ARFGEF1: variants seen among roughly 807,000 people sequenced by gnomAD.
The protein encoded by ARFGEF1 is brefeldin A-inhibited guanine nucleotide-exchange protein 1.
A neutral mutation model predicts 231.0 loss-of-function variants in ARFGEF1; 42 were observed. That is an observed-to-expected ratio of 0.18 (90% confidence interval 0.14 to 0.24). The LOEUF (loss-of-function observed/expected upper bound fraction) is 0.24, where lower values mean the gene tolerates loss of function less well. Ranked by LOEUF, ARFGEF1 falls within the 10% of genes least tolerant of loss-of-function variation. The pLI, the probability that ARFGEF1 is intolerant of heterozygous loss-of-function variation, is 1.00. For synonymous variants in ARFGEF1, 710 were observed against 732.3 expected (o/e 0.97, Z 0.49); for missense variants, 1,345 against 2,192.0 (o/e 0.61, Z 7.72).
At chr8:67,341,551 T>G (rs1416973892) in intron 1 of ARFGEF1, among the ~76,000 whole-genome samples, 1 of 151,946 alleles carries the variant, frequency 6.6e-6, no homozygotes, top group African/African-American at 2.4e-5. Context: ...GAGCACTGAT[T>G]GTGTCACTGC....
chr8:67,241,309 G>A (rs998069947), intron 19 of ARFGEF1, among the ~76,000 whole-genome samples: 1 of 152,066 alleles, frequency 6.6e-6, no homozygotes, highest in African/African-American at 2.4e-5. Flanking sequence ...TATTTGAACT[G>A]CCACTACAGA....
intron 1 of ARFGEF1, among the ~76,000 whole-genome samples, chr8:67,321,146 G>T (rs1030433660): frequency 6.7e-6 from 1 of 149,354 alleles, no homozygotes; most frequent in African/African-American, 2.5e-5. Context: ...TGTGAGAAAT[G>T]GTGTGACTAT....
At chr8:67,186,026 A>G (rs1250872464) in intron 5 of ARFGEF1, among the ~76,000 whole-genome samples, 1 of 152,236 alleles carries the variant, frequency 6.6e-6, no homozygotes, top group Non-Finnish European at 1.5e-5. Context: ...AGCCAAGTTC[A>G]TTAATTATGT....
chr8:67,213,937 G>C (rs1838836588), intron 33 of ARFGEF1, among the ~76,000 whole-genome samples: 1 of 152,152 alleles, frequency 6.6e-6, no homozygotes, highest in Non-Finnish European at 1.5e-5. Context: ...TGCTGGCCCT[G>C]ATAAAGATTT....
chr8:67,309,219 A>T lies in ARFGEF1; in HGVS notation c.125-6753T>A, dbSNP rs12114077. Among the ~76,000 whole-genome samples the T allele has an allele frequency of 6.4e-3, 980 of 152,346 alleles. 7 individuals are homozygous for T. Among genetic ancestry groups the T allele is most frequent in the African/African-American group, 0.023 (940 of 41,576 alleles). ...TGTGGAATCTAAAAAAGTCAAACTC[A>T]TAGAAGTAGAGTAGAATGAGGGTTA... is the stretch of plus-strand genomic sequence containing the variant. On this transcript the variant is annotated intron_variant, in intron 1 of 38. Transcript: ENST00000262215.
chr8:67,185,592 A>G (rs1323630936), intron 5 of ARFGEF1, among the ~76,000 whole-genome samples: 1 of 152,222 alleles, frequency 6.6e-6, no homozygotes, highest in Non-Finnish European at 1.5e-5. Flanking sequence ...GTTGACAGCA[A>G]TTAGTAGCTG....
intron 5 of ARFGEF1, among the ~76,000 whole-genome samples, chr8:67,176,375 CACAGGAGTA>C (rs1360579054): frequency 6.6e-6 from 1 of 152,140 alleles, no homozygotes; most frequent in Non-Finnish European, 1.5e-5. Context: ...GAGATAGCAT[CACAGGAGTA>C]AGTGATGCAG....
chr8:67,276,535 C>CA lies in ARFGEF1; in HGVS notation c.1204-427dup, dbSNP rs962408861. Among the ~76,000 whole-genome samples, 607 of 148,750 alleles carry CA rather than the reference C, an allele frequency of 4.1e-3. 3 individuals carry two copies. The highest frequency in any genetic ancestry group is 0.014 in the African/African-American group (559 of 40,554). On this transcript the variant is annotated intron_variant, in intron 8 of 38. Transcript: ENST00000262215. ...AATATAAACTGAAGGTCAACCAAGC[C>CA]AAAAAAAAATGTACTCCTAAATATG... is the stretch of plus-strand genomic sequence containing the variant.
chr8:67,258,100 A>G lies in ARFGEF1; in HGVS notation c.2426T>C (p.Leu809Pro). 1 of 1,613,126 alleles carries G rather than the reference A, an allele frequency of 6.2e-7. No individual in the cohort carries two copies. The highest frequency in any genetic ancestry group is 2.2e-5 in the East Asian group (1 of 44,852). ...CCTTATTTACCCTTGGTTGCATTCT[A>G]GGTATCTTGCAGCAAATTTTTCCAT... is the stretch of plus-strand genomic sequence containing the variant. ...RLMEKFAARY[L>P]ECNQGQTLFA... Residue 809 changes from leucine to proline, a missense_variant, in exon 16 of 39, where the codon CTA becomes CCA. Physicochemically the swap from Leu to Pro is moderately conservative, Grantham distance 98. This residue lies in a region of ARFGEF1 where 58 missense variants were observed against 133.6 expected (regional missense o/e 0.43). Coordinates refer to ENST00000262215, the MANE Select transcript of ARFGEF1 (RefSeq NM_006421.5).
chr8:67,239,598 T>C (rs1471987859), intron 20 of ARFGEF1, among the ~76,000 whole-genome samples: 1 of 152,152 alleles, frequency 6.6e-6, no homozygotes, highest in African/African-American at 2.4e-5. Flanking sequence ...AAACATGATT[T>C]ATACATTTGC....
At chr8:67,315,132 A>G (rs1807247309) in intron 1 of ARFGEF1, among the ~76,000 whole-genome samples, 1 of 152,250 alleles carries the variant, frequency 6.6e-6, no homozygotes. Flanking sequence ...AATATCAGAT[A>G]AAGTAGAACT....
At chr8:67,251,996 G>A (rs934679807) in intron 18 of ARFGEF1, among the ~76,000 whole-genome samples, 2 of 152,108 alleles carry the variant, frequency 1.3e-5, no homozygotes, top group African/African-American at 4.8e-5. Context: ...CTGGCTGGGC[G>A]TGGTGGCTCA....
intron 20 of ARFGEF1, 119 bp from the exon 21 acceptor site, chr8:67,239,012 T>C: frequency 1.2e-6 from 1 of 818,142 alleles, no homozygotes; most frequent in Non-Finnish European, 1.7e-6. Context: ...TTTTAATTTA[T>C]TTATTAATTT....
chr8:67,258,015 T>A lies in ARFGEF1; in HGVS notation c.2441+70A>T, dbSNP rs905668039. The A allele has an allele frequency of 3.5e-5, 50 of 1,410,538 alleles. 1 individual carries two copies. The highest frequency in any genetic ancestry group is 4.8e-5 in the Non-Finnish European group (48 of 1,006,274). 87.4% of individuals were successfully genotyped at this position (1,410,538 alleles called of 1,614,324 possible). A position where few individuals can be genotyped will look rare whatever the true frequency, so the allele number is the denominator to read the frequency against. ...GGGATTAGGTCCTATTATCTGTAAATCCCTGGATGCTACCTAGCACAGTGG... is the reference window on the plus strand; with the variant it reads ...GGGATTAGGTCCTATTATCTGTAAAACCCTGGATGCTACCTAGCACAGTGG... On this transcript the variant is annotated intron_variant, in intron 16 of 38. Coordinates refer to ENST00000262215, the MANE Select transcript of ARFGEF1 (RefSeq NM_006421.5).
intron 1 of ARFGEF1, among the ~76,000 whole-genome samples, chr8:67,321,332 T>C (rs1807581889): frequency 6.6e-6 from 1 of 152,218 alleles, no homozygotes; most frequent in African/African-American, 2.4e-5. Context: ...GTTGCCTACA[T>C]CCATACTCCA....
intron 1 of ARFGEF1, among the ~76,000 whole-genome samples, chr8:67,337,858 G>A (rs1253347959): frequency 1.3e-5 from 2 of 152,168 alleles, no homozygotes; most frequent in Non-Finnish European, 2.9e-5. Context: ...TGTGTTCTAT[G>A]AAAGCATGTT....
chr8:67,182,704 G>A (rs541974108), intron 5 of ARFGEF1, among the ~76,000 whole-genome samples: 32 of 152,088 alleles, frequency 2.1e-4, no homozygotes, highest in Non-Finnish European at 4.1e-4. Flanking sequence ...ATCTCATTGT[G>A]GTTTTGACTT....
intron 36 of ARFGEF1, chr8:67,201,964 G>A: frequency 3.8e-6 from 1 of 262,246 alleles, no homozygotes; most frequent in South Asian, 3.9e-5. Flanking sequence ...GGTCTGATGG[G>A]TCCGGTGTGT....
At chr8:67,228,386 C>A in intron 23 of ARFGEF1, 122 bp from the exon 24 acceptor site, 1 of 827,264 alleles carries the variant, frequency 1.2e-6, no homozygotes, top group South Asian at 1.8e-5. Flanking sequence ...ATTGGGTATT[C>A]AAATGAGTAT....
Sources: allele counts gnomAD v4.1 joint callset (sites outside exome capture counted in the v4.1 genomes callset), GRCh38; gene constraint gnomAD v4.1.1; regional missense constraint gnomAD v4.1.1; transcripts MANE v1.5; gene names NCBI Gene and HGNC (gene_info 2026-07-23, HGNC 2026-07-21).